RAPGEF4: variants seen among roughly 807,000 people sequenced by gnomAD.
RAPGEF4 encodes RAP guanine-nucleotide-exchange factor (GEF) 4.
A neutral mutation model predicts 147.9 loss-of-function variants in RAPGEF4; 66 were observed. The observed-to-expected ratio is 0.45, with a 90% CI of 0.37 to 0.55. RAPGEF4 has a LOEUF of 0.55. RAPGEF4 is among the 20% of genes least tolerant of loss of function. The pLI, the probability that RAPGEF4 is intolerant of heterozygous loss-of-function variation, is 0.00. For missense variants in RAPGEF4, 1,071 were observed against 1,257.3 expected, an observed-to-expected ratio of 0.85 and a Z score of 2.24; for synonymous variants, 419 against 442.7, an observed-to-expected ratio of 0.95 and a Z score of 0.67.
chr2:172,768,076 T>G (rs1450337038), intron 1 of RAPGEF4, among the ~76,000 whole-genome samples: 5 of 151,988 alleles, frequency 3.3e-5, no homozygotes, highest in African/African-American at 1.2e-4. Flanking sequence ...CCTCCCAGAG[T>G]GCTAGGATTA....
At chr2:172,779,260 G>T (rs1476258625) in intron 1 of RAPGEF4, among the ~76,000 whole-genome samples, 1 of 152,166 alleles carries the variant, frequency 6.6e-6, no homozygotes, top group East Asian at 1.9e-4. Context: ...TATGTTAGAA[G>T]CTGTTACGTG....
chr2:173,048,531 T>C, intron 29 of RAPGEF4, 69 bp from the exon 30 acceptor site: 1 of 1,601,828 alleles, frequency 6.2e-7, no homozygotes, highest in Non-Finnish European at 8.5e-7. Context: ...AAATGGTTTG[T>C]TTTCCTTTTT....
chr2:173,002,567 T>G (rs1694035261), intron 17 of RAPGEF4, among the ~76,000 whole-genome samples: 1 of 152,198 alleles, frequency 6.6e-6, no homozygotes, highest in East Asian at 1.9e-4. Context: ...CCAAATCACT[T>G]TGGCCCTTTT....
At chr2:172,880,005 T>C (rs2194723) in intron 4 of RAPGEF4, among the ~76,000 whole-genome samples, 147,498 of 152,232 alleles carry the variant, frequency 0.97, 71,612 homozygotes, top group East Asian at 1. Flanking sequence ...GGCTTTTTTC[T>C]GTACACTTTT....
chr2:172,804,935 C>T (rs1297236879), intron 3 of RAPGEF4, among the ~76,000 whole-genome samples: 1 of 152,190 alleles, frequency 6.6e-6, no homozygotes, highest in Non-Finnish European at 1.5e-5. Flanking sequence ...TCCAGTGTCA[C>T]CCCTGGTCAG....
At chr2:172,792,052 C>G (rs983281575) in intron 1 of RAPGEF4, among the ~76,000 whole-genome samples, 1 of 152,180 alleles carries the variant, frequency 6.6e-6, no homozygotes, top group Non-Finnish European at 1.5e-5. Flanking sequence ...TGATTCCTCC[C>G]ACGGTCACTT....
chr2:172,742,793 T>C (rs986518083), intron 1 of RAPGEF4, among the ~76,000 whole-genome samples: 2 of 152,214 alleles, frequency 1.3e-5, no homozygotes, highest in African/African-American at 4.8e-5. Context: ...CTGGACTCCC[T>C]CAGACTGGGG....
chr2:172,832,942 G>A (rs780118123), intron 4 of RAPGEF4, among the ~76,000 whole-genome samples: 4 of 152,312 alleles, frequency 2.6e-5, no homozygotes, highest in South Asian at 4.1e-4. Flanking sequence ...CCAGTTGGGC[G>A]CGGTGGCTCA....
At chr2:172,947,959 T>C (rs1022230724) in intron 6 of RAPGEF4, among the ~76,000 whole-genome samples, 6 of 152,328 alleles carry the variant, frequency 3.9e-5, no homozygotes, top group African/African-American at 1.4e-4. Flanking sequence ...TGTTTCCTTC[T>C]AGCCACTCCC....
At chr2:172,912,923 T>C (rs984821642) in intron 4 of RAPGEF4, among the ~76,000 whole-genome samples, 3 of 129,898 alleles carry the variant, frequency 2.3e-5, no homozygotes, top group African/African-American at 9.0e-5. Flanking sequence ...TGAGATGGAG[T>C]GTTTGTCTGT....
chr2:172,920,813 G>A lies in RAPGEF4; in HGVS notation c.518-1468G>A, dbSNP rs1281182184. Reference sequence around the variant, plus strand: ...CCCTAGTTCTTTCAGATGGATGATGGATGGGTGGATGGATGAATGGATGAT... The same window carrying A: ...CCCTAGTTCTTTCAGATGGATGATGAATGGGTGGATGGATGAATGGATGAT... On this transcript the variant is annotated intron_variant, in intron 5 of 30. Coordinates refer to ENST00000397081, the MANE Select transcript of RAPGEF4 (RefSeq NM_007023.4). Among the ~76,000 whole-genome samples the A allele has an allele frequency of 1.3e-5, 2 of 152,134 alleles. 1 individual carries two copies. Among genetic ancestry groups the A allele is most frequent in the Non-Finnish European group, 2.9e-5 (2 of 68,024 alleles).
Position 172,795,105 on chromosome 2 carries a change from C to G in RAPGEF4, c.146C>G (p.Pro49Arg). 1 of 1,612,956 alleles carries G rather than the reference C, an allele frequency of 6.2e-7. No individual in the cohort carries two copies. The highest frequency in any genetic ancestry group is 8.5e-7 in the Non-Finnish European group (1 of 1,179,008). The change falls in exon 2 of 31, where the codon CCA (proline) becomes CGA (arginine). Residue 49 changes from proline to arginine, a missense_variant. Pro to Arg is a moderately radical substitution (Grantham distance 103). Coordinates refer to ENST00000397081, the MANE Select transcript of RAPGEF4 (RefSeq NM_007023.4). ...GTTAAAGCTTTTGAGAAATTTCACC[C>G]AAATCTCCTTCATCAGATTTGCTTA... ...KEVKAFEKFH[P>R]NLLHQICLCG...
intron 1 of RAPGEF4, among the ~76,000 whole-genome samples, chr2:172,743,907 G>A (rs553191836): frequency 3.3e-5 from 5 of 152,268 alleles, no homozygotes; most frequent in African/African-American, 1.2e-4. Flanking sequence ...CCCACCTTCA[G>A]ATTTTTGTTT....
rs184665394 is a variant in RAPGEF4, at chr2:172,767,327, C to T, written c.66-27698C>T. Among the ~76,000 whole-genome samples the T allele has an allele frequency of 5.2e-4, 79 of 151,924 alleles. 1 individual carries two copies. Among genetic ancestry groups the T allele is most frequent in the African/African-American group, 1.8e-3 (73 of 41,438 alleles). The stretch of plus-strand genomic sequence containing the variant: ...CCGAGTAGCTGGGATTACAGGCATG[C>T]GCCACCATGCCCGGCTAGTTTTTGT... On this transcript the variant is annotated intron_variant, in intron 1 of 30. Transcript: ENST00000397081.
chr2:173,020,714 T>C lies in RAPGEF4; in HGVS notation c.2252T>C (p.Leu751Pro). 5.0e-6 allele frequency: 8 copies of C among 1,611,990 alleles called. No individual in the cohort carries two copies. Among genetic ancestry groups the C allele is most frequent in the Non-Finnish European group, 6.8e-6 (8 of 1,178,366 alleles). ...TGCCCGCGAGAGCAATTCGATTCAC[T>C]GGTAGGTGTGGATGGCCTGCTCAGA... Reference protein sequence around the residue: ...FACPREQFDSLTPLPEQEGPT... With the variant: ...FACPREQFDSPTPLPEQEGPT... The change falls in exon 23 of 31, where the codon CTG becomes CCG. Residue 751 changes from leucine to proline, a missense_variant and splice_region_variant. Coordinates refer to ENST00000397081, the MANE Select transcript of RAPGEF4 (RefSeq NM_007023.4).
intron 29 of RAPGEF4, chr2:173,048,299 A>T: frequency 3.2e-6 from 1 of 313,424 alleles, no homozygotes; most frequent in Non-Finnish European, 5.3e-6. Flanking sequence ...GGATGGTGAA[A>T]AAGCACTAAT....
At chr2:173,032,552 GT>G (rs1028004986) in intron 26 of RAPGEF4, among the ~76,000 whole-genome samples, 4 of 152,188 alleles carry the variant, frequency 2.6e-5, no homozygotes, top group African/African-American at 9.7e-5. Context: ...GTAAGTCAAT[GT>G]TTTTGCATAA....
chr2:172,766,127 A>AT (rs898383444), intron 1 of RAPGEF4, among the ~76,000 whole-genome samples: 13 of 151,420 alleles, frequency 8.6e-5, no homozygotes, highest in East Asian at 1.9e-4. Flanking sequence ...ATGATATCTT[A>AT]TTTTTTTTTA....
At chr2:172,963,848 A>G (rs866570846) in intron 8 of RAPGEF4, among the ~76,000 whole-genome samples, 187 of 152,304 alleles carry the variant, frequency 1.2e-3, no homozygotes, top group African/African-American at 4.2e-3. Flanking sequence ...CAAAATAACT[A>G]TACTAGCGGT....
Sources: gnomAD v4.1 joint callset for allele counts (sites outside exome capture counted in the v4.1 genomes callset) on GRCh38, gnomAD v4.1.1 for gene constraint, MANE v1.5 for transcripts, NCBI Gene and HGNC (gene_info 2026-07-23, HGNC 2026-07-21) for gene names.